The following ROBO2 variants were observed in gnomAD, a reference collection of about 807,000 sequenced individuals.
The protein encoded by ROBO2 is roundabout homolog 2.
ROBO2 carries 53 observed loss-of-function variants against 160.8 expected under a neutral mutation model. The ratio of observed to expected loss-of-function variants is 0.33; its 90% CI spans 0.26 to 0.41. The LOEUF (loss-of-function observed/expected upper bound fraction) is 0.41. Ranked by LOEUF, ROBO2 falls within the 10% of genes least tolerant of loss-of-function variation. The pLI, the probability that ROBO2 is intolerant of heterozygous loss-of-function variation, is 1.00. For synonymous variants in ROBO2, 664 were observed against 611.7 expected, an observed-to-expected ratio of 1.09 and a Z score of -1.26; for missense variants, 1,577 against 1,722.4, an observed-to-expected ratio of 0.92 and a Z score of 1.49.
chr3:75,947,514 G>A (rs1406995742), intron 2 of ROBO2, among the ~76,000 whole-genome samples: 2 of 152,142 alleles, frequency 1.3e-5, no homozygotes, highest in Non-Finnish European at 2.9e-5. Flanking sequence ...GCAACACAAA[G>A]CCTGCAATAT....
intron 2 of ROBO2, among the ~76,000 whole-genome samples, chr3:75,992,124 G>A (rs2065590605): frequency 6.6e-6 from 1 of 152,176 alleles, no homozygotes; most frequent in Non-Finnish European, 1.5e-5. Context: ...TTTCTGAGGA[G>A]AAATTCAAGC....
intron 2 of ROBO2, among the ~76,000 whole-genome samples, chr3:76,917,754 A>AT (rs2076415289): frequency 6.6e-6 from 1 of 151,690 alleles, no homozygotes; most frequent in African/African-American, 2.4e-5. Flanking sequence ...CTAAAAAAAA[A>AT]TGTCTAAGAT....
chr3:77,245,729 T>G (rs2089651047), intron 2 of ROBO2, among the ~76,000 whole-genome samples: 1 of 152,216 alleles, frequency 6.6e-6, no homozygotes, highest in Non-Finnish European at 1.5e-5. Context: ...TCTTTTAAGT[T>G]GATGTTTAGT....
intron 2 of ROBO2, among the ~76,000 whole-genome samples, chr3:76,418,622 A>C (rs1187445039): frequency 1.3e-5 from 2 of 148,470 alleles, no homozygotes; most frequent in Admixed American, 6.6e-5. Flanking sequence ...CTCCCGACCT[A>C]CTTCTGGTTC....
intron 2 of ROBO2, among the ~76,000 whole-genome samples, chr3:76,461,566 A>G (rs1445517922): frequency 6.6e-6 from 1 of 152,226 alleles, no homozygotes; most frequent in Non-Finnish European, 1.5e-5. Flanking sequence ...GCAAGAAAAT[A>G]TCTTTATGAC....
intron 2 of ROBO2, among the ~76,000 whole-genome samples, chr3:77,177,334 A>G (rs554261479): frequency 2.6e-5 from 4 of 151,982 alleles, no homozygotes; most frequent in East Asian, 3.9e-4. Context: ...GTTTCATGTC[A>G]TCTTATTATT....
intron 2 of ROBO2, among the ~76,000 whole-genome samples, chr3:76,285,570 T>C (rs1350127561): frequency 6.6e-6 from 1 of 152,098 alleles, no homozygotes; most frequent in African/African-American, 2.4e-5. Context: ...CATGTTCATA[T>C]TTTTAAAATC....
chr3:77,369,388 C>G (rs1468926075), intron 2 of ROBO2, among the ~76,000 whole-genome samples: 1 of 152,144 alleles, frequency 6.6e-6, no homozygotes, highest in African/African-American at 2.4e-5. Context: ...GGGTGCCCCT[C>G]CTGTGTCACT....
At chr3:76,753,461 A>G (rs2060792090) in intron 2 of ROBO2, among the ~76,000 whole-genome samples, 1 of 151,882 alleles carries the variant, frequency 6.6e-6, no homozygotes, top group Non-Finnish European at 1.5e-5. Context: ...AACTACAAAT[A>G]TACATCCACA....
At chr3:77,403,283 T>A (rs1430809107) in intron 2 of ROBO2, among the ~76,000 whole-genome samples, 1 of 152,172 alleles carries the variant, frequency 6.6e-6, no homozygotes, top group African/African-American at 2.4e-5. Context: ...TTAACTATGG[T>A]CACTATACTG....
intron 2 of ROBO2, among the ~76,000 whole-genome samples, chr3:77,231,498 G>A (rs1351416821): frequency 6.6e-6 from 1 of 151,896 alleles, no homozygotes; most frequent in African/African-American, 2.4e-5. Flanking sequence ...TTTATTGGGT[G>A]CTTTAATTAT....
chr3:76,607,585 A>G (rs879293981), intron 2 of ROBO2, among the ~76,000 whole-genome samples: 2 of 152,224 alleles, frequency 1.3e-5, no homozygotes, highest in Non-Finnish European at 2.9e-5. Context: ...GCTTCAAAGA[A>G]GGCACAACTC....
At chr3:76,776,376 T>C (rs1035836837) in intron 2 of ROBO2, among the ~76,000 whole-genome samples, 2 of 151,012 alleles carry the variant, frequency 1.3e-5, no homozygotes, top group Admixed American at 1.3e-4. Context: ...TGGGAACTAT[T>C]GTATGTATGT....
intron 2 of ROBO2, among the ~76,000 whole-genome samples, chr3:76,873,180 G>A (rs1440516323): frequency 2.0e-5 from 3 of 152,062 alleles, no homozygotes; most frequent in Non-Finnish European, 2.9e-5. Flanking sequence ...ACATTACAAT[G>A]GATCTGTCAA....
intron 5 of ROBO2, among the ~76,000 whole-genome samples, chr3:77,518,157 G>A (rs1398503202): frequency 1.3e-5 from 2 of 151,428 alleles, no homozygotes; most frequent in African/African-American, 4.8e-5. Flanking sequence ...ATATATAGAA[G>A]ATCTTCTAAT....
At chr3:77,563,595 A>C (rs2093397516) in intron 11 of ROBO2, among the ~76,000 whole-genome samples, 1 of 152,128 alleles carries the variant, frequency 6.6e-6, no homozygotes, top group Admixed American at 6.6e-5. Flanking sequence ...TTCTTTACCC[A>C]GACCATTGTA....
chr3:77,285,658 C>T (rs1339601846), intron 2 of ROBO2, among the ~76,000 whole-genome samples: 2 of 152,146 alleles, frequency 1.3e-5, no homozygotes, highest in Admixed American at 6.5e-5. Context: ...TCATAGATCA[C>T]GTTCACTCTC....
At chr3:76,211,865 A>G (rs1039450314) in intron 2 of ROBO2, among the ~76,000 whole-genome samples, 2 of 152,010 alleles carry the variant, frequency 1.3e-5, no homozygotes, top group East Asian at 3.9e-4. Flanking sequence ...GTTGCAAATT[A>G]GCTGGATTTA....
At chr3:76,272,532 G>A (rs186285963) in intron 2 of ROBO2, among the ~76,000 whole-genome samples, 117 of 150,270 alleles carry the variant, frequency 7.8e-4, no homozygotes, top group Admixed American at 3.6e-3. Context: ...GCGTGGTGGC[G>A]CGTGCCTGTA....
Sources: allele counts gnomAD v4.1 joint callset (sites outside exome capture counted in the v4.1 genomes callset), GRCh38; gene constraint gnomAD v4.1.1; transcripts MANE v1.5; gene names NCBI Gene and HGNC (gene_info 2026-07-23, HGNC 2026-07-21).